The following GPC5 variants were observed in gnomAD, a reference collection of about 807,000 sequenced individuals.
GPC5 encodes the protein glypican-5.
In GPC5, 47 loss-of-function variants were observed where a neutral mutation model predicts 53.9. That is an observed-to-expected ratio of 0.87 (90% CI 0.69 to 1.11). The LOEUF (loss-of-function observed/expected upper bound fraction) is 1.11, where lower values mean the gene tolerates loss of function less well. Among genes scored for constraint, GPC5 ranks in the 50% most tolerant of loss-of-function variants. The pLI is 0.00. For synonymous variants in GPC5, 286 were observed against 263.3 expected, an observed-to-expected ratio of 1.09 and a Z score of -0.84; for missense variants, 748 against 713.1, an observed-to-expected ratio of 1.05 and a Z score of -0.56.
chr13:91,854,596 T>C (rs2038947707), intron 5 of GPC5, among the ~76,000 whole-genome samples: 1 of 151,610 alleles, frequency 6.6e-6, no homozygotes, highest in Non-Finnish European at 1.5e-5. Context: ...ATTCTCTATC[T>C]CCATGGGTTC....
intron 7 of GPC5, among the ~76,000 whole-genome samples, chr13:92,547,139 T>C (rs1882146237): frequency 6.6e-6 from 1 of 152,152 alleles, no homozygotes; most frequent in South Asian, 2.1e-4. Flanking sequence ...GGAAAATAGA[T>C]TGGTGTCAGT....
chr13:92,671,811 T>C (rs561463662), intron 7 of GPC5, among the ~76,000 whole-genome samples: 29 of 152,340 alleles, frequency 1.9e-4, no homozygotes, highest in African/African-American at 7.0e-4. Flanking sequence ...CTTTGTCCTG[T>C]AGACGATTGA....
rs59836982 is a variant in GPC5, at chr13:92,047,443, T to TATA, written c.1402-97387_1402-97386insATA. On this transcript the variant is annotated intron_variant, in intron 6 of 7. Coordinates refer to ENST00000377067, the MANE Select transcript of GPC5 (RefSeq NM_004466.6). Reference sequence around the variant, plus strand: ...TTTCTTTTTAAACTATATATATATATTTTTTTTTCCTTATTTCTATGATCA... The same window carrying TATA: ...TTTCTTTTTAAACTATATATATATATATATTTTTTTTCCTTATTTCTATGATCA... 1.2e-3 allele frequency among the ~76,000 whole-genome samples: 150 copies of TATA among 124,214 alleles called. 1 individual carries two copies. Among genetic ancestry groups the TATA allele is most frequent in the South Asian group, 9.9e-3 (42 of 4,234 alleles). The allele number at this position is 124,214 out of a possible 152,430, so 81.5% of individuals were successfully genotyped here. A position where few individuals can be genotyped will look rare whatever the true frequency, so the allele number is the denominator to read the frequency against.
intron 7 of GPC5, among the ~76,000 whole-genome samples, chr13:92,788,798 G>A (rs1036558113): frequency 6.6e-6 from 1 of 152,106 alleles, no homozygotes. Context: ...CTTTGATGCT[G>A]GTCTCATATT....
At chr13:92,397,862 A>G (rs1284397476) in intron 7 of GPC5, among the ~76,000 whole-genome samples, 1 of 152,198 alleles carries the variant, frequency 6.6e-6, no homozygotes, top group East Asian at 1.9e-4. Context: ...GAAAGATATT[A>G]TTCTATTATC....
intron 7 of GPC5, among the ~76,000 whole-genome samples, chr13:92,298,305 C>G (rs76255396): frequency 6.6e-6 from 1 of 152,158 alleles, no homozygotes. Flanking sequence ...GGATTCTGCA[C>G]GCCAGATTCA....
intron 7 of GPC5, among the ~76,000 whole-genome samples, chr13:92,832,099 T>C (rs1391198796): frequency 1.3e-5 from 2 of 152,182 alleles, no homozygotes; most frequent in Non-Finnish European, 2.9e-5. Flanking sequence ...AGTAAGTTAG[T>C]AGCATATTTA....
intron 6 of GPC5, among the ~76,000 whole-genome samples, chr13:92,040,441 G>A (rs938384788): frequency 6.6e-6 from 1 of 152,194 alleles, no homozygotes; most frequent in Non-Finnish European, 1.5e-5. Context: ...CACCAGAAAA[G>A]CAGTAAGCCG....
intron 6 of GPC5, among the ~76,000 whole-genome samples, chr13:92,045,459 TG>T (rs1310600873): frequency 1.3e-5 from 2 of 152,132 alleles, no homozygotes; most frequent in Non-Finnish European, 2.9e-5. Flanking sequence ...AAACTTTCCC[TG>T]GGATATTTTA....
intron 7 of GPC5, among the ~76,000 whole-genome samples, chr13:92,726,055 T>C (rs1033193660): frequency 2.0e-5 from 3 of 151,508 alleles, no homozygotes; most frequent in African/African-American, 7.3e-5. Context: ...AAAAGTCACA[T>C]TATTTTTGAC....
Position 91,683,038 on chromosome 13 carries a change from G to GA in GPC5, c.326-10138dup, listed in dbSNP as rs933845012. Among the ~76,000 whole-genome samples, 27 of 145,660 alleles carry GA rather than the reference G, an allele frequency of 1.9e-4. 1 individual carries two copies. The highest frequency in any genetic ancestry group is 1.3e-3 in the South Asian group (6 of 4,544). The stretch of plus-strand genomic sequence containing the variant: ...ATCTTCGAATTGTTGCTTACATGGG[G>GA]AAAAAAAAAAAGGTCTTTGCATATG... On this transcript the variant is annotated intron_variant, in intron 2 of 7. Coordinates refer to ENST00000377067, the MANE Select transcript of GPC5 (RefSeq NM_004466.6).
intron 7 of GPC5, among the ~76,000 whole-genome samples, chr13:92,541,424 T>A (rs1205882527): frequency 1.3e-5 from 2 of 151,920 alleles, no homozygotes; most frequent in African/African-American, 4.8e-5. Flanking sequence ...ATCAACTTAT[T>A]GCATGAAAAG....
chr13:92,694,755 G>A (rs1373152530), intron 7 of GPC5, among the ~76,000 whole-genome samples: 1 of 152,134 alleles, frequency 6.6e-6, no homozygotes, highest in African/African-American at 2.4e-5. Flanking sequence ...TTAAAACTTT[G>A]GGGGATTCTT....
chr13:91,613,413 T>C (rs1298050838), intron 2 of GPC5, among the ~76,000 whole-genome samples: 1 of 152,138 alleles, frequency 6.6e-6, no homozygotes, highest in Non-Finnish European at 1.5e-5. Context: ...TCTGACCCCA[T>C]AGTTCAATTA....
rs553210112 is a variant in GPC5, at chr13:92,351,147, T to C, written c.1561+206158T>C. On this transcript the variant is annotated intron_variant, in intron 7 of 7. Transcript: ENST00000377067. ...TTCTATTTCAATAATATATTACTTA[T>C]TTTAAAATATTTTAAAAACCCTAAC... is the stretch of plus-strand genomic sequence containing the variant. Among the ~76,000 whole-genome samples the C allele has an allele frequency of 9.0e-4, 136 of 151,912 alleles. No homozygotes were observed. The Middle Eastern group carries it at 0.01, about 11-fold the overall frequency.
At chr13:92,497,265 C>G (rs776557621) in intron 7 of GPC5, among the ~76,000 whole-genome samples, 1 of 151,986 alleles carries the variant, frequency 6.6e-6, no homozygotes, top group Non-Finnish European at 1.5e-5. Context: ...TTTAATCAAT[C>G]TTGAGTTAAT....
chr13:92,309,685 C>T (rs988432949), intron 7 of GPC5, among the ~76,000 whole-genome samples: 1 of 151,934 alleles, frequency 6.6e-6, no homozygotes, highest in Non-Finnish European at 1.5e-5. Flanking sequence ...AAAATGATTA[C>T]CACAATCAAG....
In GPC5 at chr13:91,685,056, G is replaced by A. The variant is rs139198593; in HGVS notation, c.326-8131G>A. 1.4e-4 allele frequency among the ~76,000 whole-genome samples: 22 copies of A among 152,148 alleles called. No individual in the cohort carries two copies. In the East Asian group the frequency reaches 4.1e-3, roughly 28 times the overall value. ...ACTTGAATGTTGCTTCCTCAGAGAG[G>A]GTTTTCCTTCTCACTGTATCTAAAA... On this transcript the variant is annotated intron_variant, in intron 2 of 7. Transcript: ENST00000377067.
chr13:92,385,654 T>C (rs1015883870), intron 7 of GPC5, among the ~76,000 whole-genome samples: 18 of 142,124 alleles, frequency 1.3e-4, no homozygotes, highest in Admixed American at 3.7e-4. Flanking sequence ...TATATACACA[T>C]ATATATATAC....
Sources: allele counts gnomAD v4.1 joint callset (sites outside exome capture counted in the v4.1 genomes callset), GRCh38; gene constraint gnomAD v4.1.1; transcripts MANE v1.5; gene names NCBI Gene and HGNC (gene_info 2026-07-23, HGNC 2026-07-21).